The following GABRA2 variants were observed in gnomAD, a reference collection of about 807,000 sequenced individuals.
GABRA2 encodes gamma-aminobutyric acid type A receptor subunit alpha2.
A neutral mutation model predicts 48.7 loss-of-function variants in GABRA2; 16 were observed. The ratio of observed to expected loss-of-function variants is 0.33; its 90% confidence interval spans 0.22 to 0.50. The LOEUF (loss-of-function observed/expected upper bound fraction) is 0.50. Ranked by LOEUF, GABRA2 falls within the 20% of genes least tolerant of loss-of-function variation. The pLI is 0.98. For synonymous variants in GABRA2, 185 were observed against 184.5 expected, an observed-to-expected ratio of 1.00 and a Z score of -0.02; for missense variants, 275 against 535.6, an observed-to-expected ratio of 0.51 and a Z score of 4.80.
chr4:46,261,204 C>A (rs1716902294), intron 9 of GABRA2: 1 of 152,024 alleles, frequency 6.6e-6, no homozygotes, highest in African/African-American at 2.4e-5. Context: ...GTACTTGAAA[C>A]CTAAATATGG....
rs1397788415 is a variant in GABRA2, at chr4:46,269,256, A to G, written c.857-7128T>C. On this transcript the variant is annotated intron_variant, in intron 8 of 9. Transcript: ENST00000381620. ...CAGATATATTAATTAGCTGACTTTA[A>G]TCTTCCCACATGTATTAAAAATCAT... Among the ~76,000 whole-genome samples, 3 of 151,864 alleles carry G rather than the reference A, an allele frequency of 2.0e-5. No homozygotes were observed. The South Asian group carries it at 6.2e-4, about 31-fold the overall frequency.
At chr4:46,254,353 T>C (rs1311404703) in intron 9 of GABRA2, among the ~76,000 whole-genome samples, 1 of 151,604 alleles carries the variant, frequency 6.6e-6, no homozygotes, top group African/African-American at 2.4e-5. Flanking sequence ...TGAAACCTTT[T>C]GTGTTAATGA....
chr4:46,364,912 G>C (rs1191856155), intron 3 of GABRA2: 1 of 152,096 alleles, frequency 6.6e-6, no homozygotes, highest in Admixed American at 6.6e-5. Context: ...CAAGAAATTT[G>C]GGGATAGCCT....
intron 8 of GABRA2, among the ~76,000 whole-genome samples, chr4:46,277,978 T>G (rs1720820303): frequency 6.6e-6 from 1 of 152,236 alleles, no homozygotes; most frequent in Non-Finnish European, 1.5e-5. Flanking sequence ...TACTTATCTA[T>G]CTAGCTAGAC....
chr4:46,338,477 T>G (rs751674627), intron 3 of GABRA2, among the ~76,000 whole-genome samples: 4 of 151,986 alleles, frequency 2.6e-5, no homozygotes, highest in Non-Finnish European at 5.9e-5. Context: ...ATAATTATTT[T>G]AAATAATAGT....
At chr4:46,295,211 G>A (rs769339085) in intron 8 of GABRA2, among the ~76,000 whole-genome samples, 17 of 152,188 alleles carry the variant, frequency 1.1e-4, no homozygotes, top group East Asian at 1.9e-4. Flanking sequence ...TCTTTCCAGC[G>A]GGCAGAACTT....
chr4:46,365,131 A>G (rs1010447540), intron 3 of GABRA2: 1 of 152,166 alleles, frequency 6.6e-6, no homozygotes, highest in Non-Finnish European at 1.5e-5. Flanking sequence ...ATTTCTAAAG[A>G]AAAGCCAGAT....
chr4:46,387,463 A>G (rs1025878129), intron 2 of GABRA2, among the ~76,000 whole-genome samples: 8 of 152,208 alleles, frequency 5.3e-5, no homozygotes, highest in Non-Finnish European at 8.8e-5. Flanking sequence ...CAGAGAAAAT[A>G]TTAAAGTATT....
At chr4:46,375,576 AG>A (rs1476849184) in intron 3 of GABRA2, among the ~76,000 whole-genome samples, 1 of 152,238 alleles carries the variant, frequency 6.6e-6, no homozygotes, top group African/African-American at 2.4e-5. Flanking sequence ...CTACAGACAT[AG>A]AAAAATGTGC....
At chr4:46,354,665 G>A (rs776381346) in intron 3 of GABRA2, among the ~76,000 whole-genome samples, 1 of 152,036 alleles carries the variant, frequency 6.6e-6, no homozygotes, top group Non-Finnish European at 1.5e-5. Flanking sequence ...AATGAGCCAG[G>A]TGGCTTTTAA....
intron 3 of GABRA2, among the ~76,000 whole-genome samples, chr4:46,361,691 A>G (rs1012240331): frequency 6.6e-6 from 1 of 152,208 alleles, no homozygotes; most frequent in Non-Finnish European, 1.5e-5. Context: ...TGCACCATGC[A>G]ACTGAAAAAG....
chr4:46,350,434 G>A lies in GABRA2; in HGVS notation c.188-17752C>T, dbSNP rs190105815. ...AAAATTTTCATCTCATTATATGTAT[G>A]ATATATATGTAGGTATATATTATCT... On this transcript the variant is annotated intron_variant, in intron 3 of 9. Transcript: ENST00000381620. Among the ~76,000 whole-genome samples the A allele has an allele frequency of 1.9e-4, 29 of 151,774 alleles. No homozygotes were observed. In the East Asian group the frequency reaches 4.5e-3, roughly 23 times the overall value.
chr4:46,389,583 T>G (rs1261552732), intron 1 of GABRA2, 152 bp downstream of exon 1: 1 of 462,496 alleles, frequency 2.2e-6, no homozygotes, highest in Non-Finnish European at 2.8e-6. Flanking sequence ...AAATTATTTT[T>G]TAAGTGCGCT....
At chr4:46,277,273 G>A (rs1166089457) in intron 8 of GABRA2, among the ~76,000 whole-genome samples, 1 of 152,128 alleles carries the variant, frequency 6.6e-6, no homozygotes, top group Non-Finnish European at 1.5e-5. Flanking sequence ...AGCTAACTGG[G>A]ATGAGACTCT....
chr4:46,268,079 AAC>A (rs1718605975), intron 8 of GABRA2, among the ~76,000 whole-genome samples: 2 of 152,106 alleles, frequency 1.3e-5, no homozygotes, highest in Non-Finnish European at 2.9e-5. Context: ...AAACAACAAC[AAC>A]AACAATAACA....
At chr4:46,322,360 G>A (rs1406695956) in intron 4 of GABRA2, among the ~76,000 whole-genome samples, 1 of 151,826 alleles carries the variant, frequency 6.6e-6, no homozygotes, top group African/African-American at 2.4e-5. Context: ...CCCTGGGGGT[G>A]AAGTAAAAAC....
chr4:46,367,420 T>C (rs541712897), intron 3 of GABRA2: 1 of 152,212 alleles, frequency 6.6e-6, no homozygotes, highest in Admixed American at 6.5e-5. Context: ...CTTCCTCACC[T>C]ATCTAACTCC....
intron 9 of GABRA2, among the ~76,000 whole-genome samples, chr4:46,259,002 G>T (rs1716418431): frequency 6.6e-6 from 1 of 151,844 alleles, no homozygotes; most frequent in Admixed American, 6.6e-5. Flanking sequence ...GGAAGAAAGT[G>T]GCATAGGATT....
At chr4:46,308,571 A>C (rs1727101051) in intron 6 of GABRA2, among the ~76,000 whole-genome samples, 1 of 152,230 alleles carries the variant, frequency 6.6e-6, no homozygotes, top group African/African-American at 2.4e-5. Context: ...AAAGACAATA[A>C]AATAACATAA....
Sources: gnomAD v4.1 joint callset for allele counts (sites outside exome capture counted in the v4.1 genomes callset) on GRCh38, gnomAD v4.1.1 for gene constraint, MANE v1.5 for transcripts, NCBI Gene and HGNC (gene_info 2026-07-23, HGNC 2026-07-21) for gene names.